Variants in RERE observed in about 807,000 individuals in gnomAD.
RERE encodes the protein arginine-glutamic acid dipeptide repeats protein.
RERE carries 40 observed loss-of-function variants against 146.1 expected under a neutral mutation model. That is an observed-to-expected ratio of 0.27 (90% CI 0.21 to 0.36). The LOEUF (loss-of-function observed/expected upper bound fraction) is 0.36, where lower values mean the gene tolerates loss of function less well. Ranked by LOEUF, RERE falls within the 10% of genes least tolerant of loss-of-function variation. The pLI, the probability that RERE is intolerant of heterozygous loss-of-function variation, is 1.00. For missense variants in RERE, 1,933 were observed against 2,138.7 expected (o/e 0.90, Z 1.90); for synonymous variants, 1,003 against 866.0 (o/e 1.16, Z -2.78).
chr1:8,562,611 C>A (rs1426601540), intron 4 of RERE, among the ~76,000 whole-genome samples: 1 of 152,158 alleles, frequency 6.6e-6, no homozygotes, highest in African/African-American at 2.4e-5. Flanking sequence ...GCCTCAGCCT[C>A]CTGAGTAAGT....
At chr1:8,479,118 C>T (rs1426652890) in intron 10 of RERE, among the ~76,000 whole-genome samples, 9 of 152,040 alleles carry the variant, frequency 5.9e-5, no homozygotes, top group African/African-American at 2.2e-4. Context: ...GGCAAGGTGG[C>T]TCACACCTGT....
chr1:8,486,155 A>T (rs964079874), intron 10 of RERE, among the ~76,000 whole-genome samples: 4 of 151,988 alleles, frequency 2.6e-5, no homozygotes, highest in South Asian at 2.1e-4. Context: ...ACTAGGTGAT[A>T]AAAAAAATTA....
intron 1 of RERE, among the ~76,000 whole-genome samples, chr1:8,794,347 G>A (rs1569812248): frequency 9.2e-6 from 1 of 108,802 alleles, no homozygotes; most frequent in Middle Eastern, 0.011. Flanking sequence ...AACAGAGCGA[G>A]ACTCCGTCTC....
chr1:8,501,037 G>C lies in RERE; in HGVS notation c.880-3508C>G, dbSNP rs1289476825. ...GGCAGCCACCCCGTCCGGGAGGGGG[G>C]GGGGGGGTCAGCCCCCCGCCCGGCC... On this transcript the variant is annotated intron_variant, in intron 8 of 22. Transcript: ENST00000400908. Among the ~76,000 whole-genome samples, 4 of 136,148 alleles carry C rather than the reference G, an allele frequency of 2.9e-5. 1 individual carries two copies. Among genetic ancestry groups the C allele is most frequent in the Non-Finnish European group, 6.2e-5 (4 of 64,058 alleles). 89.3% of individuals were successfully genotyped at this position (136,148 alleles called of 152,430 possible).
intron 1 of RERE, among the ~76,000 whole-genome samples, chr1:8,785,413 T>C (rs1641241759): frequency 6.6e-6 from 1 of 152,256 alleles, no homozygotes. Context: ...ATATCTTTTA[T>C]ATTAAATCAA....
rs56912804 is a variant in RERE at position 8,675,495 on chromosome 1, C to CAAAA, written c.-144-19058_-144-19055dup. Among the ~76,000 whole-genome samples the CAAAA allele has an allele frequency of 1.1e-3, 97 of 90,140 alleles. 1 individual carries two copies. Among genetic ancestry groups the CAAAA allele is most frequent in the Non-Finnish European group, 1.3e-3 (63 of 47,620 alleles). The allele number at this position is 90,140 out of a possible 152,430, so 59.1% of individuals were successfully genotyped here. ...GCAACGTCGCAAAACCCCATCTCTACAAAAAAAAAAAAAAAAAAAAATACA... is the reference window on the plus strand; with the variant it reads ...GCAACGTCGCAAAACCCCATCTCTACAAAAAAAAAAAAAAAAAAAAAAAAATACA... On this transcript the variant is annotated intron_variant, in intron 1 of 22. Transcript: ENST00000400908.
At chr1:8,560,326 T>C (rs776508391) in intron 4 of RERE, among the ~76,000 whole-genome samples, 3 of 152,222 alleles carry the variant, frequency 2.0e-5, no homozygotes, top group Non-Finnish European at 2.9e-5. Context: ...CAACCAAAAC[T>C]GTCTCTAAAC....
At chr1:8,767,353 A>G (rs925831732) in intron 1 of RERE, among the ~76,000 whole-genome samples, 1 of 152,208 alleles carries the variant, frequency 6.6e-6, no homozygotes. Context: ...CTGTAATCCC[A>G]ATACTTTAGG....
chr1:8,503,098 AT>A (rs1557662576), intron 8 of RERE, among the ~76,000 whole-genome samples: 252 of 144,306 alleles, frequency 1.7e-3, no homozygotes, highest in African/African-American at 6.2e-3. Flanking sequence ...AAATAAATAA[AT>A]AAATAAATAA....
At chr1:8,631,130 G>T (rs577982759) in intron 2 of RERE, among the ~76,000 whole-genome samples, 1 of 152,134 alleles carries the variant, frequency 6.6e-6, no homozygotes, top group Non-Finnish European at 1.5e-5. Context: ...AACTAAAAGG[G>T]ATTTTGTTGA....
intron 1 of RERE, among the ~76,000 whole-genome samples, chr1:8,710,260 C>G (rs1639639557): frequency 1.3e-5 from 2 of 152,204 alleles, no homozygotes; most frequent in Non-Finnish European, 2.9e-5. Context: ...CCCCTAAGTC[C>G]TGGGGGGACT....
intron 4 of RERE, among the ~76,000 whole-genome samples, chr1:8,595,149 G>T (rs1165772816): frequency 7.0e-6 from 1 of 143,226 alleles, no homozygotes; most frequent in Non-Finnish European, 1.5e-5. Context: ...GACAGAGCAA[G>T]ACCGTGTCCA....
intron 12 of RERE, among the ~76,000 whole-genome samples, chr1:8,413,362 G>T (rs1643666508): frequency 6.6e-6 from 1 of 152,104 alleles, no homozygotes; most frequent in African/African-American, 2.4e-5. Context: ...TGTTGTTGTT[G>T]TTTTTGAGAC....
At chr1:8,439,986 A>T (rs1182437170) in intron 11 of RERE, among the ~76,000 whole-genome samples, 1 of 152,150 alleles carries the variant, frequency 6.6e-6, no homozygotes, top group Admixed American at 6.5e-5. Context: ...AGGCAGGAGA[A>T]TTGCTTCAAC....
At chr1:8,581,522 C>A (rs543360754) in intron 4 of RERE, among the ~76,000 whole-genome samples, 1 of 152,048 alleles carries the variant, frequency 6.6e-6, no homozygotes, top group Non-Finnish European at 1.5e-5. Context: ...GAAATCATTG[C>A]CTAAATGAAA....
At chr1:8,614,935 G>A (rs1646833752) in intron 3 of RERE, among the ~76,000 whole-genome samples, 1 of 152,170 alleles carries the variant, frequency 6.6e-6, no homozygotes, top group African/African-American at 2.4e-5. Flanking sequence ...TCATAAAGCA[G>A]TATGGTGTGT....
intron 7 of RERE, chr1:8,519,689 A>C (rs1212277567): frequency 1.3e-5 from 2 of 152,214 alleles, no homozygotes; most frequent in African/African-American, 4.8e-5. Flanking sequence ...TGCTATTATG[A>C]GTTCCCGAAG....
At chr1:8,679,550 G>A (rs1026148583) in intron 1 of RERE, among the ~76,000 whole-genome samples, 1 of 152,062 alleles carries the variant, frequency 6.6e-6, no homozygotes, top group Non-Finnish European at 1.5e-5. Flanking sequence ...TGAAATCAGG[G>A]CCTAGAGTCT....
At position 8,365,932 on chromosome 1, in the gene RERE, C is replaced by G. The variant is rs1430255955; in HGVS notation, c.1327G>C (p.Glu443Gln). 6.2e-7 allele frequency: 1 copy of G among 1,614,004 alleles called. No homozygotes were observed. Among genetic ancestry groups the G allele is most frequent in the East Asian group, 2.2e-5 (1 of 44,890 alleles). Residue 443 changes from glutamate to glutamine, a missense_variant, in exon 13 of 23, where the codon GAA becomes CAA. Coordinates refer to ENST00000400908, the MANE Select transcript of RERE (RefSeq NM_001042681.2). The stretch of plus-strand genomic sequence containing the variant: ...CGATGGGCTCGGGAGCTGGCTGCTT[C>G]GGGGGTCTTCTTCCAATAGTAATAG... The part of the protein sequence containing the change: ...TFYYYWKKTP[E>Q]AASSRAHRRH...
Sources: gnomAD v4.1 joint callset for allele counts (sites outside exome capture counted in the v4.1 genomes callset) on GRCh38, gnomAD v4.1.1 for gene constraint, MANE v1.5 for transcripts, NCBI Gene and HGNC (gene_info 2026-07-23, HGNC 2026-07-21) for gene names.